The following ARMH1 variants were observed in gnomAD, a reference collection of about 807,000 sequenced individuals.
ARMH1 encodes armadillo-like helical domain containing protein 1.
Under a neutral mutation model 50.2 loss-of-function variants are expected in ARMH1, and 34 were observed. The observed-to-expected ratio is 0.68, with a 90% CI of 0.51 to 0.90. The LOEUF (loss-of-function observed/expected upper bound fraction) is 0.90, where lower values mean the gene tolerates loss of function less well. Among genes scored for constraint, ARMH1 ranks in the 40% least tolerant of loss-of-function variants. The pLI, the probability that ARMH1 is intolerant of heterozygous loss-of-function variation, is 0.00. For missense variants in ARMH1, 538 were observed against 553.9 expected, an observed-to-expected ratio of 0.97 and a Z score of 0.29; for synonymous variants, 221 against 224.2, an observed-to-expected ratio of 0.99 and a Z score of 0.13.
intron 6 of ARMH1, among the ~76,000 whole-genome samples, chr1:44,718,398 G>T (rs1031005609): frequency 6.6e-6 from 1 of 152,204 alleles, no homozygotes; most frequent in Non-Finnish European, 1.5e-5. Flanking sequence ...TCAAGAAGAG[G>T]GAAGAAACCA....
chr1:44,725,235 G>A lies in ARMH1; in HGVS notation c.1210+18G>A, dbSNP rs887576840. The A allele has an allele frequency of 1.4e-5, 21 of 1,551,562 alleles. No individual in the cohort carries two copies. In the African/African-American group the frequency reaches 1.4e-4, roughly 10 times the overall value. ...TACCAAAGGTGAGTGTGGGACGAGG[G>A]AAGCCGGGCGCAGGCGCCGCCAGCA... is the stretch of plus-strand genomic sequence containing the variant. On this transcript the variant is annotated intron_variant, in intron 11 of 11. Transcript: ENST00000535358.
chr1:44,723,932 CCT>C, intron 6 of ARMH1, 188 bp from the exon 7 acceptor site: 1 of 669,862 alleles, frequency 1.5e-6, no homozygotes, highest in South Asian at 2.3e-5. Flanking sequence ...AACCCTTCCT[CCT>C]CCCCCTTCAG....
intron 4 of ARMH1, among the ~76,000 whole-genome samples, chr1:44,699,121 A>T (rs928506377): frequency 2.4e-4 from 36 of 152,014 alleles, no homozygotes; most frequent in Non-Finnish European, 4.4e-4. Context: ...TCTCTACTGA[A>T]AATACAAAAA....
At chr1:44,708,355 A>G (rs1411625764) in intron 6 of ARMH1, among the ~76,000 whole-genome samples, 1 of 152,150 alleles carries the variant, frequency 6.6e-6, no homozygotes, top group Non-Finnish European at 1.5e-5. Context: ...CTGCGGGGAG[A>G]AGAGTTTAGT....
intron 3 of ARMH1, 130 bp downstream of exon 3, chr1:44,697,300 C>A: frequency 1.4e-6 from 1 of 714,874 alleles, no homozygotes. Flanking sequence ...TTGGGATGGG[C>A]CCAGAGGTAA....
At chr1:44,687,538 G>A (rs1645513131) in intron 1 of ARMH1, among the ~76,000 whole-genome samples, 1 of 152,194 alleles carries the variant, frequency 6.6e-6, no homozygotes, top group East Asian at 1.9e-4. Flanking sequence ...CTGGAGGGCA[G>A]CAAGAGGTGA....
intron 5 of ARMH1, 127 bp downstream of exon 5, chr1:44,701,246 C>A: frequency 1.1e-6 from 1 of 934,090 alleles, no homozygotes; most frequent in Non-Finnish European, 1.6e-6. Context: ...GTCTGTTGTT[C>A]AATCAGCGTT....
At chr1:44,721,613 G>A (rs11211026) in intron 6 of ARMH1, among the ~76,000 whole-genome samples, 45,537 of 151,758 alleles carry the variant, frequency 0.3, 8,767 homozygotes, top group African/African-American at 0.54. Context: ...CACAAAATTA[G>A]ACAGGCTTAT....
At chr1:44,676,427 A>T (rs746388486) in intron 1 of ARMH1, among the ~76,000 whole-genome samples, 2 of 152,176 alleles carry the variant, frequency 1.3e-5, no homozygotes, top group Admixed American at 1.3e-4. Flanking sequence ...TTGCCCAGGG[A>T]GTAAGTGTAG....
At chr1:44,706,588 T>C (rs1573411134) in intron 6 of ARMH1, among the ~76,000 whole-genome samples, 1 of 152,292 alleles carries the variant, frequency 6.6e-6, no homozygotes, top group Non-Finnish European at 1.5e-5. Context: ...TAGGTTATTT[T>C]TGAGCAGCAG....
rs1340764537 is a variant in ARMH1 at position 44,681,919 on chromosome 1, GTCTCT to G, written c.-23+7052_-23+7056del. ...GAGGTCGCTGGAGTCTGCATTCCAT[GTCTCT>G]TCTCTGTGCGCCAACAGAACCTGGG... On this transcript the variant is annotated intron_variant, in intron 1 of 11. Transcript: ENST00000535358. The surrounding 1 kb of genome is among the most constrained non-coding windows in gnomAD (Gnocchi z 4.3). 6.6e-6 allele frequency among the ~76,000 whole-genome samples: 1 copy of G among 152,132 alleles called. No individual in the cohort carries two copies. Among genetic ancestry groups the G allele is most frequent in the Non-Finnish European group, 1.5e-5 (1 of 68,028 alleles).
chr1:44,724,283 A>G lies in ARMH1; in HGVS notation c.848-37A>G, dbSNP rs1222681522. ...CAAATGGGGCTGCCTGGGCCACGGG[A>G]GGGCGGTCTCTTGCCTCACGGCTGC... is the stretch of plus-strand genomic sequence containing the variant. On this transcript the variant is annotated intron_variant, in intron 7 of 11. Transcript: ENST00000535358. This position sits in a 1 kb window ranked among gnomAD's most constrained non-coding sequence, Gnocchi z 6.4. The G allele has an allele frequency of 6.4e-7, 1 of 1,550,782 alleles. No individual in the cohort carries two copies. The highest frequency in any genetic ancestry group is 8.7e-7 in the Non-Finnish European group (1 of 1,146,424).
chr1:44,678,713 G>A (rs1206491255), intron 1 of ARMH1, among the ~76,000 whole-genome samples: 1 of 152,154 alleles, frequency 6.6e-6, no homozygotes, highest in African/African-American at 2.4e-5. Flanking sequence ...TTGTCTCCGA[G>A]GCCATGTGGG....
At chr1:44,690,773 A>G (rs1399729101) in intron 2 of ARMH1, among the ~76,000 whole-genome samples, 1 of 151,910 alleles carries the variant, frequency 6.6e-6, no homozygotes, top group African/African-American at 2.4e-5. Flanking sequence ...CTGCCTCCCC[A>G]GTTCAAGTGA....
At chr1:44,715,137 T>G (rs1177901311) in intron 6 of ARMH1, among the ~76,000 whole-genome samples, 1 of 152,148 alleles carries the variant, frequency 6.6e-6, no homozygotes, top group African/African-American at 2.4e-5. Flanking sequence ...GAAGCGCACT[T>G]CTCATATGTG....
intron 6 of ARMH1, among the ~76,000 whole-genome samples, chr1:44,707,836 G>A (rs550935659): frequency 1.1e-4 from 16 of 152,328 alleles, no homozygotes; most frequent in South Asian, 4.1e-4. Flanking sequence ...AACTAACAGC[G>A]TGGAAGAGGC....
chr1:44,680,365 C>T (rs1277742441), intron 1 of ARMH1, among the ~76,000 whole-genome samples: 1 of 152,136 alleles, frequency 6.6e-6, no homozygotes, highest in South Asian at 2.1e-4. Context: ...TTAGTAGAGA[C>T]GGGATTTCAC....
chr1:44,724,445 C>G lies in ARMH1; in HGVS notation c.920+53C>G. 6.5e-7 allele frequency: 1 copy of G among 1,533,198 alleles called. No individual in the cohort carries two copies. The highest frequency in any genetic ancestry group is 1.2e-5 in the South Asian group (1 of 82,686). 95.0% of individuals were successfully genotyped at this position (1,533,198 alleles called of 1,614,324 possible). A position where few individuals can be genotyped will look rare whatever the true frequency, so the allele number is the denominator to read the frequency against. ...TGCAGCAAGCCTGGCTTGGCGCTGC[C>G]GGCGGGCCCCGGGAGCGCTCCGTGC... On this transcript the variant is annotated intron_variant, in intron 8 of 11. Coordinates refer to ENST00000535358, the MANE Select transcript of ARMH1 (RefSeq NM_001145636.2). This position sits in a 1 kb window ranked among gnomAD's most constrained non-coding sequence, Gnocchi z 6.4.
chr1:44,716,913 C>G (rs143308317), intron 6 of ARMH1, among the ~76,000 whole-genome samples: 60 of 150,224 alleles, frequency 4.0e-4, no homozygotes, highest in African/African-American at 1.4e-3. Context: ...TGCAGTGGCG[C>G]GATCTCGGCT....
Sources: gnomAD v4.1 joint callset for allele counts (sites outside exome capture counted in the v4.1 genomes callset) on GRCh38, gnomAD v4.1.1 for gene constraint, Gnocchi (gnomAD v3.1) non-coding constraint, MANE v1.5 for transcripts, NCBI Gene and HGNC (gene_info 2026-07-23, HGNC 2026-07-21) for gene names.